The following DLGAP2 variants were observed in gnomAD, a reference collection of about 807,000 sequenced individuals.
DLGAP2 encodes the protein disks large-associated protein 2.
A neutral mutation model predicts 100.3 loss-of-function variants in DLGAP2; 26 were observed. That is an observed-to-expected ratio of 0.26 (90% CI 0.19 to 0.36). The LOEUF is 0.36. Ranked by LOEUF, DLGAP2 falls within the 10% of genes least tolerant of loss-of-function variation. DLGAP2 has a pLI of 1.00. For missense variants in DLGAP2, 1,858 were observed against 1,453.2 expected (o/e 1.28, Z -4.53); for synonymous variants, 886 against 630.1 (o/e 1.41, Z -6.08).
At chr8:757,479 G>C (rs748740484) in intron 1 of DLGAP2, among the ~76,000 whole-genome samples, 1 of 152,130 alleles carries the variant, frequency 6.6e-6, no homozygotes, top group Non-Finnish European at 1.5e-5. Flanking sequence ...AATGACACCC[G>C]TAGGCACTGG....
At chr8:854,430 G>A (rs1797238374) in intron 1 of DLGAP2, among the ~76,000 whole-genome samples, 1 of 152,158 alleles carries the variant, frequency 6.6e-6, no homozygotes, top group Non-Finnish European at 1.5e-5. Flanking sequence ...GCTGGAGGCT[G>A]CAGTCTGAGG....
intron 1 of DLGAP2, among the ~76,000 whole-genome samples, chr8:759,186 C>CTGA (rs1456235515): frequency 8.0e-6 from 1 of 125,502 alleles, no homozygotes; most frequent in African/African-American, 2.8e-5. Context: ...ATCAATACCC[C>CTGA]CGACAGCCTT....
chr8:1,514,864 C>G (rs1800304606), intron 4 of DLGAP2, among the ~76,000 whole-genome samples: 1 of 152,180 alleles, frequency 6.6e-6, no homozygotes, highest in African/African-American at 2.4e-5. Flanking sequence ...TCTGACAGAG[C>G]TGCATGGCAG....
chr8:1,416,795 G>A (rs1225641875), intron 3 of DLGAP2, among the ~76,000 whole-genome samples: 4 of 152,188 alleles, frequency 2.6e-5, no homozygotes, highest in East Asian at 1.9e-4. Context: ...TGTGGCTCGC[G>A]AGCACCCGTG....
intron 3 of DLGAP2, among the ~76,000 whole-genome samples, chr8:1,339,580 AT>A (rs1313052054): frequency 6.6e-6 from 1 of 152,066 alleles, no homozygotes; most frequent in African/African-American, 2.4e-5. Flanking sequence ...TCAGTGTATT[AT>A]TTTTTTCCAT....
intron 3 of DLGAP2, among the ~76,000 whole-genome samples, chr8:1,335,926 G>A (rs1223833544): frequency 6.6e-6 from 1 of 152,262 alleles, no homozygotes; most frequent in Non-Finnish European, 1.5e-5. Flanking sequence ...TAGAGCCGGG[G>A]CTGCGCGTGG....
chr8:1,451,208 C>T (rs1009331140), intron 3 of DLGAP2, among the ~76,000 whole-genome samples: 4 of 152,058 alleles, frequency 2.6e-5, no homozygotes, highest in African/African-American at 7.2e-5. Context: ...CCTGGTTCCT[C>T]CTTCTACACC....
intron 6 of DLGAP2, chr8:1,620,628 C>T (rs1797302558): frequency 6.6e-6 from 1 of 152,234 alleles, no homozygotes; most frequent in Admixed American, 6.5e-5. Context: ...ATCATCTCAC[C>T]TCTAACACAT....
intron 3 of DLGAP2, among the ~76,000 whole-genome samples, chr8:1,319,069 A>G (rs1209159628): frequency 3.3e-5 from 5 of 152,052 alleles, no homozygotes; most frequent in African/African-American, 1.2e-4. Flanking sequence ...GTTGAAGCAG[A>G]ATGGAGACTT....
intron 3 of DLGAP2, among the ~76,000 whole-genome samples, chr8:1,449,380 C>G (rs1374628064): frequency 2.6e-5 from 4 of 152,212 alleles, no homozygotes; most frequent in Non-Finnish European, 1.5e-5. Flanking sequence ...GGAATTCTCT[C>G]AGAGTTGTCT....
At chr8:1,506,366 T>C (rs1389550112) in intron 4 of DLGAP2, among the ~76,000 whole-genome samples, 2 of 152,236 alleles carry the variant, frequency 1.3e-5, no homozygotes, top group African/African-American at 2.4e-5. Flanking sequence ...ACGTCAAGAA[T>C]GAAGCTGTGG....
chr8:1,434,363 A>G (rs1457547538), intron 3 of DLGAP2, among the ~76,000 whole-genome samples: 1 of 152,132 alleles, frequency 6.6e-6, no homozygotes, highest in African/African-American at 2.4e-5. Flanking sequence ...TCACGTGCAG[A>G]CAGCAAGCAC....
At chr8:1,360,231 C>T (rs543159436) in intron 3 of DLGAP2, among the ~76,000 whole-genome samples, 390 of 53,694 alleles carry the variant, frequency 7.3e-3, no homozygotes, top group Middle Eastern at 0.042. Flanking sequence ...GGGGCTTCTC[C>T]GGGGCGGGGC....
At chr8:1,356,468 C>T (rs571274049) in intron 3 of DLGAP2, among the ~76,000 whole-genome samples, 4 of 152,284 alleles carry the variant, frequency 2.6e-5, no homozygotes, top group East Asian at 1.9e-4. Flanking sequence ...TGGGCGTCTC[C>T]AGGGCTGCGG....
At chr8:1,228,238 TA>T (rs1182313335) in intron 2 of DLGAP2, among the ~76,000 whole-genome samples, 22 of 151,524 alleles carry the variant, frequency 1.5e-4, no homozygotes, top group African/African-American at 3.6e-4. Flanking sequence ...AAAATAAAAA[TA>T]AAAAAATACA....
At position 917,199 on chromosome 8, in the gene DLGAP2, TTCCCTCCCTCCCTCCA is replaced by T. The variant is rs1165173457; in HGVS notation, c.73+9249_73+9264del. 1.2e-4 allele frequency among the ~76,000 whole-genome samples: 17 copies of T among 145,768 alleles called. No individual in the cohort carries two copies. The East Asian group carries it at 2.9e-3, about 25-fold the overall frequency. ...CACTAAGGTTTGGACATCAGTATTG[TTCCCTCCCTCCCTCCA>T]TCCCTCCCTCCCTCCCTTCCTTCCT... On this transcript the variant is annotated intron_variant, in intron 2 of 14. Coordinates refer to ENST00000637795, the MANE Select transcript of DLGAP2 (RefSeq NM_001346810.2).
chr8:1,466,614 G>A (rs1798633838), intron 3 of DLGAP2, among the ~76,000 whole-genome samples: 1 of 152,100 alleles, frequency 6.6e-6, no homozygotes, highest in Admixed American at 6.6e-5. Context: ...CTCAGGTGCC[G>A]AGAACTTACC....
intron 1 of DLGAP2, among the ~76,000 whole-genome samples, chr8:806,043 C>T (rs569762733): frequency 1.3e-5 from 2 of 152,194 alleles, no homozygotes; most frequent in Non-Finnish European, 2.9e-5. Context: ...ATTCCTTTTA[C>T]AGAGAGTTTT....
chr8:844,662 C>T (rs1039796692), intron 1 of DLGAP2, among the ~76,000 whole-genome samples: 56 of 152,218 alleles, frequency 3.7e-4, no homozygotes, highest in African/African-American at 1.3e-3. Flanking sequence ...ATTAGTTTTG[C>T]TTGTATTTCA....
Sources: gnomAD v4.1 joint callset for allele counts (sites outside exome capture counted in the v4.1 genomes callset) on GRCh38, gnomAD v4.1.1 for gene constraint, MANE v1.5 for transcripts, NCBI Gene and HGNC (gene_info 2026-07-23, HGNC 2026-07-21) for gene names.